Variants in ASRGL1 observed in about 807,000 individuals in gnomAD.
The protein encoded by ASRGL1 is asparaginase and isoaspartyl peptidase 1, also known as isoaspartyl peptidase/L-asparaginase.
Under a neutral mutation model 22.4 loss-of-function variants are expected in ASRGL1, and 16 were observed. The ratio of observed to expected loss-of-function variants is 0.71; its 90% CI spans 0.48 to 1.08. ASRGL1 has a LOEUF of 1.08. Among genes scored for constraint, ASRGL1 ranks in the 50% least tolerant of loss-of-function variants. ASRGL1 has a pLI of 0.00. For synonymous variants in ASRGL1, 165 were observed against 159.3 expected (o/e 1.04, Z -0.27); for missense variants, 412 against 410.1 (o/e 1.00, Z -0.04).
downstream of ASRGL1, among the ~76,000 whole-genome samples, chr11:62,396,689 C>A (rs1947436405): frequency 6.6e-6 from 1 of 152,142 alleles, no homozygotes; most frequent in Non-Finnish European, 1.5e-5. Flanking sequence ...TTACAAACCA[C>A]TATTTAAATG....
chr11:62,391,724 C>A lies in ASRGL1; in HGVS notation c.721+92C>A, dbSNP rs1947343512. 4.2e-6 allele frequency: 6 copies of A among 1,431,788 alleles called. No homozygotes were observed. The Middle Eastern group carries it at 6.0e-4, about 143-fold the overall frequency. 88.7% of individuals were successfully genotyped at this position (1,431,788 alleles called of 1,614,324 possible). On this transcript the variant is annotated intron_variant, in intron 6 of 6. Transcript: ENST00000415229. ...AAGCGCATGGAGAAGTGTAGGAAAC[C>A]CTTTCCTGTTGGCTACAGATGTTGC...
intron 4 of ASRGL1, among the ~76,000 whole-genome samples, chr11:62,386,452 G>GTACATATCATACATATCATAGATATA (rs1947207187): frequency 6.6e-6 from 1 of 151,704 alleles, no homozygotes; most frequent in Non-Finnish European, 1.5e-5. Flanking sequence ...TCATAGATAT[G>GTACATATCATACATATCATAGATATA]TACATATCAT....
At chr11:62,372,540 G>A in intron 4 of ASRGL1, 1 of 941,800 alleles carries the variant, frequency 1.1e-6, no homozygotes, top group Non-Finnish European at 1.8e-6. Context: ...TAGTTCCCCA[G>A]CGAGTGGCCA....
chr11:62,387,422 T>C (rs1229347796), intron 4 of ASRGL1, among the ~76,000 whole-genome samples: 2 of 152,210 alleles, frequency 1.3e-5, no homozygotes, highest in Non-Finnish European at 2.9e-5. Context: ...CTGGCCTGGG[T>C]AACTAGTGTG....
chr11:62,390,513 C>A (rs1463038854), intron 5 of ASRGL1, among the ~76,000 whole-genome samples: 1 of 152,222 alleles, frequency 6.6e-6, no homozygotes, highest in Non-Finnish European at 1.5e-5. Flanking sequence ...AGACACCTGG[C>A]CTTCTGTGGT....
intron 2 of ASRGL1, among the ~76,000 whole-genome samples, chr11:62,343,083 A>G (rs1426784245): frequency 6.6e-6 from 1 of 152,138 alleles, no homozygotes; most frequent in African/African-American, 2.4e-5. Flanking sequence ...ATTTAACTTC[A>G]GTAGAAACTA....
intron 4 of ASRGL1, chr11:62,371,734 C>A: frequency 1.8e-6 from 1 of 557,724 alleles, no homozygotes. Flanking sequence ...GGGCAGATCA[C>A]AAGGTCAGGA....
At chr11:62,396,881 T>C (rs1197916998), downstream of ASRGL1, among the ~76,000 whole-genome samples, 1 of 152,122 alleles carries the variant, frequency 6.6e-6, no homozygotes, top group East Asian at 1.9e-4. Context: ...AGAGTTCTTA[T>C]CCACAGCAGG....
Position 62,379,322 on chromosome 11 carries a change from A to T in ASRGL1, c.492-9811A>T, listed in dbSNP as rs1947007898. Among the ~76,000 whole-genome samples, 4 of 152,278 alleles carry T rather than the reference A, an allele frequency of 2.6e-5. 1 individual carries two copies. Among genetic ancestry groups the T allele is most frequent in the Middle Eastern group, 6.8e-3 (2 of 294 alleles). On this transcript the variant is annotated intron_variant, in intron 4 of 6. Coordinates refer to ENST00000415229, the MANE Select transcript of ASRGL1 (RefSeq NM_001083926.2). Reference sequence around the variant, plus strand: ...CCCTTCAAACTGTTTTCCTTGAATAATGGCCTTACACACAGGTCTGCTCTC... The same window carrying T: ...CCCTTCAAACTGTTTTCCTTGAATATTGGCCTTACACACAGGTCTGCTCTC...
In ASRGL1 at chr11:62,356,050, C is replaced by T. The variant is rs547258024; in HGVS notation, c.191-275C>T. Reference sequence around the variant, plus strand: ...CTACACAGACACGGCAACCATCCGACTTCTCAATCTTTTCCCCACCTTTCC... The same window carrying T: ...CTACACAGACACGGCAACCATCCGATTTCTCAATCTTTTCCCCACCTTTCC... On this transcript the variant is annotated intron_variant, in intron 2 of 6. Coordinates refer to ENST00000415229, the MANE Select transcript of ASRGL1 (RefSeq NM_001083926.2). Among the ~76,000 whole-genome samples, 171 of 152,344 alleles carry T rather than the reference C, an allele frequency of 1.1e-3. 1 individual carries two copies. In the East Asian group the frequency reaches 0.019, roughly 16 times the overall value.
chr11:62,385,696 C>T (rs1224807097), intron 4 of ASRGL1, among the ~76,000 whole-genome samples: 1 of 139,578 alleles, frequency 7.2e-6, no homozygotes, highest in African/African-American at 2.6e-5. Context: ...GAAACCCCGT[C>T]TCTACTAAAA....
At position 62,393,252 on chromosome 11, in the gene ASRGL1, G is replaced by C. The variant is rs1002939953; in HGVS notation, c.*968G>C. ...GCATGGTGAAGAAAGTCATTTCCTC[G>C]GTGGGCAGTATTCCTCTTTATCTCT... On this transcript the variant is annotated 3_prime_UTR_variant, in exon 7 of 7. Coordinates refer to ENST00000415229, the MANE Select transcript of ASRGL1 (RefSeq NM_001083926.2). 6.6e-6 allele frequency: 1 copy of C among 152,136 alleles called. No individual in the cohort carries two copies. Among genetic ancestry groups the C allele is most frequent in the African/African-American group, 2.4e-5 (1 of 41,394 alleles). 9.4% of individuals were successfully genotyped at this position (152,136 alleles called of 1,614,324 possible). A position where few individuals can be genotyped will look rare whatever the true frequency, so the allele number is the denominator to read the frequency against.
intron 4 of ASRGL1, chr11:62,372,008 C>T (rs371815633): frequency 2.3e-5 from 16 of 698,348 alleles, no homozygotes; most frequent in African/African-American, 9.0e-5. Context: ...CGGCAATATC[C>T]GTCAGAATTT....
At position 62,337,465 on chromosome 11, in the gene ASRGL1, T is replaced by G. The variant is rs2246920; in HGVS notation, c.-198T>G. On this transcript the variant is annotated 5_prime_UTR_variant, in exon 1 of 7. Coordinates refer to ENST00000415229, the MANE Select transcript of ASRGL1 (RefSeq NM_001083926.2). ...GCAGAACCGTTGTGACCAGAGCGGT[T>G]GCGGGCTGAGCGGTTTCGAGCCGGC... 133,538 of 158,414 alleles carry G rather than the reference T, an allele frequency of 0.84. 56,944 individuals are homozygous for G. Among genetic ancestry groups the G allele is most frequent in the East Asian group, 0.99 (5,113 of 5,160 alleles). The allele number at this position is 158,414 out of a possible 1,614,324, so 9.8% of individuals were successfully genotyped here.
intron 4 of ASRGL1, chr11:62,372,094 C>G: frequency 1.3e-6 from 1 of 774,308 alleles, no homozygotes; most frequent in Admixed American, 1.8e-5. Flanking sequence ...GTGCTGCACA[C>G]AGCCTCCTCA....
chr11:62,369,574 T>C (rs1388114152), intron 4 of ASRGL1, among the ~76,000 whole-genome samples: 1 of 152,062 alleles, frequency 6.6e-6, no homozygotes, highest in Non-Finnish European at 1.5e-5. Flanking sequence ...CATGCAAGGA[T>C]TAATATGAAA....
chr11:62,351,717 A>G (rs947250922), intron 2 of ASRGL1, among the ~76,000 whole-genome samples: 2 of 151,932 alleles, frequency 1.3e-5, no homozygotes, highest in Non-Finnish European at 2.9e-5. Flanking sequence ...TCTGACACCC[A>G]GACTGGAGTG....
At chr11:62,357,479 C>T (rs1421639067) in intron 4 of ASRGL1, among the ~76,000 whole-genome samples, 3 of 138,786 alleles carry the variant, frequency 2.2e-5, no homozygotes, top group South Asian at 2.2e-4. Context: ...CCAGGCTGGT[C>T]TCAAACTCCT....
chr11:62,357,017 G>A lies in ASRGL1; in HGVS notation c.364G>A (p.Ala122Thr), dbSNP rs777695027. The A allele has an allele frequency of 1.5e-5, 24 of 1,613,368 alleles. No individual in the cohort carries two copies. Among genetic ancestry groups the A allele is most frequent in the African/African-American group, 5.3e-5 (4 of 74,850 alleles). The change falls in exon 4 of 7, where the codon GCA becomes ACA. Residue 122 changes from alanine (A) to threonine (T), a missense_variant. Coordinates refer to ENST00000415229, the MANE Select transcript of ASRGL1 (RefSeq NM_001083926.2). ...TPHCFLTDQG[A>T]AQFAAAMGVP... ...TCATTGCTTTCTGACTGACCAAGGC[G>A]CAGCGCAGTTTGCAGCAGCTATGGG...
Sources: allele counts gnomAD v4.1 joint callset (sites outside exome capture counted in the v4.1 genomes callset), GRCh38; gene constraint gnomAD v4.1.1; transcripts MANE v1.5; gene names NCBI Gene and HGNC (gene_info 2026-07-23, HGNC 2026-07-21).